The following MIB1 variants were observed in gnomAD, a reference collection of about 807,000 sequenced individuals.
The protein encoded by MIB1 is E3 ubiquitin-protein ligase MIB1.
MIB1 carries 278 observed loss-of-function variants against 124.5 expected under a neutral mutation model. The ratio of observed to expected loss-of-function variants is 2.23; its 90% CI spans 2.02 to 2.47. MIB1 has a LOEUF of 2.47. MIB1 is among the 30% of genes most tolerant of loss of function. MIB1 has a pLI of 0.00. For missense variants in MIB1, 957 were observed against 1,254.4 expected, an observed-to-expected ratio of 0.76 and a Z score of 3.58; for synonymous variants, 446 against 429.4, an observed-to-expected ratio of 1.04 and a Z score of -0.48.
chr18:21,815,983 TG>T (rs2041827054), intron 11 of MIB1, among the ~76,000 whole-genome samples, 170 bp downstream of exon 11: 1 of 152,164 alleles, frequency 6.6e-6, no homozygotes, highest in African/African-American at 2.4e-5. Context: ...TTTAAAAAGT[TG>T]TTTTTTTTTA....
At chr18:21,720,764 C>T (rs1371890630) in intron 1 of MIB1, among the ~76,000 whole-genome samples, 3 of 152,168 alleles carry the variant, frequency 2.0e-5, no homozygotes, top group Admixed American at 2.0e-4. Flanking sequence ...GTCTGGGGAA[C>T]AGAGGGGGAC....
chr18:21,844,659 C>G (rs1204370835), intron 15 of MIB1, among the ~76,000 whole-genome samples: 4 of 152,184 alleles, frequency 2.6e-5, no homozygotes, highest in Non-Finnish European at 5.9e-5. Flanking sequence ...GAACTCCTGA[C>G]CTCAGGTGAT....
exon 1 of MIB1, chr18:21,705,047 C>T (rs993969849): frequency 6.0e-6 from 1 of 167,988 alleles, no homozygotes; most frequent in Non-Finnish European, 1.3e-5. Flanking sequence ...GTTAAGGCCC[C>T]GCACCTGCAG....
At position 21,708,340 on chromosome 18, in the gene MIB1, C is replaced by T. The variant is rs75847958; in HGVS notation, n.167+3217C>T. ...CCAAGTTTATTTCCTGTTAGAAAAA[C>T]ATTCTCCATCTTTCTTTAGAACTAC... On this transcript the variant is annotated intron_variant and non_coding_transcript_variant, in intron 1 of 20. Transcript: ENST00000578646. Among the ~76,000 whole-genome samples, 1,167 of 152,280 alleles carry T rather than the reference C, an allele frequency of 7.7e-3. 18 individuals are homozygous for T. Among genetic ancestry groups the T allele is most frequent in the African/African-American group, 0.026 (1,092 of 41,532 alleles).
chr18:21,794,032 G>A (rs7233306), intron 7 of MIB1: 23,935 of 151,952 alleles, frequency 0.16, 2,565 homozygotes, highest in African/African-American at 0.31. Context: ...CAGGTTGCCT[G>A]TGGCGTGGGG....
At chr18:21,721,158 A>ATTT (rs1400884705) in intron 1 of MIB1, among the ~76,000 whole-genome samples, 3 of 73,082 alleles carry the variant, frequency 4.1e-5, no homozygotes, top group Non-Finnish European at 8.5e-5. Context: ...ATTTTAAAGA[A>ATTT]GTTTTTTTTT....
At position 21,867,398 on chromosome 18, in the gene MIB1, A is replaced by G. The variant is rs2042328356; in HGVS notation, c.*2732A>G. ...GCGTTGTTACTCAAAACATACACAT[A>G]CAACATACCAGATGGTGCTGTTCTA... On this transcript the variant is annotated 3_prime_UTR_variant, in exon 21 of 21. Coordinates refer to ENST00000261537, the MANE Select transcript of MIB1 (RefSeq NM_020774.4). 1 of 152,632 alleles carries G rather than the reference A, an allele frequency of 6.6e-6. No individual in the cohort carries two copies. Among genetic ancestry groups the G allele is most frequent in the African/African-American group, 2.4e-5 (1 of 41,460 alleles). 9.5% of individuals were successfully genotyped at this position (152,632 alleles called of 1,614,324 possible). A position where few individuals can be genotyped will look rare whatever the true frequency, so the allele number is the denominator to read the frequency against.
upstream of MIB1, among the ~76,000 whole-genome samples, chr18:21,739,884 C>T (rs1179605670): frequency 6.6e-6 from 1 of 151,114 alleles, no homozygotes; most frequent in Non-Finnish European, 1.5e-5. Flanking sequence ...CACTGCACTC[C>T]GGCCTGGCTG....
chr18:21,794,263 T>C (rs2041548161), intron 7 of MIB1: 1 of 148,986 alleles, frequency 6.7e-6, no homozygotes, highest in Non-Finnish European at 1.5e-5. Context: ...ACTTAGGACA[T>C]AATTAAAAAG....
chr18:21,845,169 C>CGT (rs1210784143), intron 15 of MIB1, among the ~76,000 whole-genome samples: 2 of 152,088 alleles, frequency 1.3e-5, no homozygotes, highest in African/African-American at 4.8e-5. Context: ...TGCCACCACG[C>CGT]CCAGCTAATT....
chr18:21,825,360 T>C (rs1301128562), intron 12 of MIB1: 1 of 281,534 alleles, frequency 3.6e-6, no homozygotes, highest in Non-Finnish European at 6.9e-6. Flanking sequence ...TTAGGTGACC[T>C]TTCCAGATAT....
rs546630268 is a variant in MIB1, at chr18:21,831,647, C to G, written c.1830-6718C>G. 8.0e-5 allele frequency among the ~76,000 whole-genome samples: 12 copies of G among 150,616 alleles called. No individual in the cohort carries two copies. In the South Asian group the frequency reaches 1.0e-3, roughly 13 times the overall value. On this transcript the variant is annotated intron_variant, in intron 12 of 20. Transcript: ENST00000261537. ...CTGCTTAGCCATTTGTCCTGCCCCC[C>G]ACTTTTTTTTTTTTGAGGGGGGGTA...
At chr18:21,826,030 T>G (rs773549004) in intron 12 of MIB1, 6 of 238,706 alleles carry the variant, frequency 2.5e-5, no homozygotes, top group South Asian at 4.1e-5. Flanking sequence ...CATCTTTGCT[T>G]CTTTTTCTTT....
intron 6 of MIB1, among the ~76,000 whole-genome samples, chr18:21,779,976 A>T (rs969287694): frequency 9.9e-5 from 15 of 152,044 alleles, no homozygotes; most frequent in Admixed American, 6.6e-5. Context: ...AGAATACATT[A>T]TATCACTATT....
upstream of MIB1, among the ~76,000 whole-genome samples, chr18:21,740,600 A>G (rs2040833802): frequency 6.6e-6 from 1 of 152,230 alleles, no homozygotes; most frequent in Non-Finnish European, 1.5e-5. Context: ...CAGCCCGGGT[A>G]GCTTCCCCAC....
intron 1 of MIB1, among the ~76,000 whole-genome samples, chr18:21,709,404 A>G (rs916862606): frequency 1.3e-5 from 2 of 151,390 alleles, no homozygotes; most frequent in Non-Finnish European, 2.9e-5. Context: ...GGTTTTTGGC[A>G]TCCAGACCAG....
chr18:21,757,721 A>G (rs372771726), intron 1 of MIB1, among the ~76,000 whole-genome samples: 1 of 151,728 alleles, frequency 6.6e-6, no homozygotes, highest in African/African-American at 2.4e-5. Flanking sequence ...CCTGACCTCA[A>G]GCGATCCACC....
At chr18:21,821,766 T>C (rs1231750003) in intron 12 of MIB1, among the ~76,000 whole-genome samples, 2 of 151,750 alleles carry the variant, frequency 1.3e-5, no homozygotes, top group Non-Finnish European at 2.9e-5. Context: ...GCCCGGCTAA[T>C]TTTTTTTGTA....
intron 1 of MIB1, among the ~76,000 whole-genome samples, chr18:21,710,180 G>A (rs2040659452): frequency 6.6e-6 from 1 of 151,910 alleles, no homozygotes. Context: ...GAGTGCAGTG[G>A]TGTGGTCTTT....
Sources: gnomAD v4.1 joint callset for allele counts (sites outside exome capture counted in the v4.1 genomes callset) on GRCh38, gnomAD v4.1.1 for gene constraint, MANE v1.5 for transcripts, NCBI Gene and HGNC (gene_info 2026-07-23, HGNC 2026-07-21) for gene names.